TBC1D8: variants seen among roughly 807,000 people sequenced by gnomAD.
TBC1D8 encodes the protein BUB2-like protein 1.
In TBC1D8, 65 loss-of-function variants were observed where a neutral mutation model predicts 118.8. That is an observed-to-expected ratio of 0.55 (90% confidence interval 0.45 to 0.67). The LOEUF (loss-of-function observed/expected upper bound fraction) is 0.67, where lower values mean the gene tolerates loss of function less well. Ranked by LOEUF, TBC1D8 falls within the 30% of genes least tolerant of loss-of-function variation. The pLI, the probability that TBC1D8 is intolerant of heterozygous loss-of-function variation, is 0.00. For missense variants in TBC1D8, 1,376 were observed against 1,471.2 expected, an observed-to-expected ratio of 0.94 and a Z score of 1.06; for synonymous variants, 566 against 595.8, an observed-to-expected ratio of 0.95 and a Z score of 0.73.
At chr2:101,033,841 A>T (rs1449300155) in intron 9 of TBC1D8, 83 bp from the exon 10 acceptor site, 1 of 1,468,000 alleles carries the variant, frequency 6.8e-7, no homozygotes, top group Non-Finnish European at 9.2e-7. Context: ...CCATCAGGGG[A>T]CCCCAGTGGG....
At chr2:101,025,442 G>C (rs1680284859) in intron 15 of TBC1D8, among the ~76,000 whole-genome samples, 1 of 152,166 alleles carries the variant, frequency 6.6e-6, no homozygotes, top group Non-Finnish European at 1.5e-5. Context: ...GGCCAAGCTG[G>C]TCTTGAACTG....
At position 101,011,432 on chromosome 2, in the gene TBC1D8, A is replaced by G. The variant is rs1251907009; in HGVS notation, c.2917+19T>C. 5 of 1,613,404 alleles carry G rather than the reference A, an allele frequency of 3.1e-6. No individual in the cohort carries two copies. The African/African-American group carries it at 6.7e-5, about 22-fold the overall frequency. Reference sequence around the variant, plus strand: ...GCAGTGGTATGCAGGGGAAAGCAACAATGAAAAGAGGTACGTGCCATTGGG... The same window carrying G: ...GCAGTGGTATGCAGGGGAAAGCAACGATGAAAAGAGGTACGTGCCATTGGG... On this transcript the variant is annotated intron_variant, in intron 18 of 19. Coordinates refer to ENST00000409318, the MANE Select transcript of TBC1D8 (RefSeq NM_001330348.2).
chr2:101,149,424 T>C (rs868780700), intron 1 of TBC1D8, among the ~76,000 whole-genome samples: 15 of 152,132 alleles, frequency 9.9e-5, no homozygotes, highest in South Asian at 6.2e-4. Flanking sequence ...AACTAGATGG[T>C]GAATCGGCTG....
At chr2:101,105,497 G>A (rs1408566956) in intron 1 of TBC1D8, among the ~76,000 whole-genome samples, 1 of 151,206 alleles carries the variant, frequency 6.6e-6, no homozygotes, top group East Asian at 1.9e-4. Context: ...GCTGAAGCAG[G>A]AGAATCACTT....
chr2:101,141,430 T>C (rs1186752407), intron 1 of TBC1D8, among the ~76,000 whole-genome samples: 1 of 152,194 alleles, frequency 6.6e-6, no homozygotes, highest in Non-Finnish European at 1.5e-5. Flanking sequence ...TATCACTTTC[T>C]CTTCTCCTAG....
intron 1 of TBC1D8, among the ~76,000 whole-genome samples, chr2:101,146,644 TC>T (rs1180169356): frequency 6.6e-6 from 1 of 152,216 alleles, no homozygotes. Flanking sequence ...GTTTCAATAC[TC>T]ATATATGTTA....
chr2:101,012,282 T>C (rs1679275332), intron 17 of TBC1D8, among the ~76,000 whole-genome samples: 1 of 152,206 alleles, frequency 6.6e-6, no homozygotes, highest in Non-Finnish European at 1.5e-5. Flanking sequence ...TTGTTCATAG[T>C]AGCCAAAAAA....
At chr2:101,116,737 C>T (rs1285331005) in intron 1 of TBC1D8, among the ~76,000 whole-genome samples, 1 of 151,714 alleles carries the variant, frequency 6.6e-6, no homozygotes, top group Non-Finnish European at 1.5e-5. Flanking sequence ...GCCTCCTGGG[C>T]TCAAGCAATT....
At chr2:101,022,210 G>T in intron 16 of TBC1D8, 71 bp downstream of exon 16, 1 of 1,601,348 alleles carries the variant, frequency 6.2e-7, no homozygotes, top group Non-Finnish European at 8.5e-7. Flanking sequence ...CTGCTCCGAA[G>T]ATCCACTTTG....
intron 2 of TBC1D8, among the ~76,000 whole-genome samples, chr2:101,063,761 CA>C (rs569065324): frequency 5.9e-4 from 84 of 141,332 alleles, no homozygotes; most frequent in East Asian, 2.3e-3. Context: ...TACCTTTTTT[CA>C]AAAAAAAAAA....
chr2:101,032,121 T>C (rs1680704810), intron 11 of TBC1D8, 147 bp downstream of exon 11: 5 of 697,480 alleles, frequency 7.2e-6, no homozygotes, highest in Admixed American at 2.6e-5. Flanking sequence ...CGAGTTAGTT[T>C]TGCAAATTCA....
chr2:101,010,497 A>G (rs1448838053), intron 19 of TBC1D8, among the ~76,000 whole-genome samples: 4 of 152,184 alleles, frequency 2.6e-5, no homozygotes. Flanking sequence ...ATCACAATTT[A>G]GTATTTCCAA....
At chr2:101,082,348 C>T (rs1045467750) in intron 2 of TBC1D8, among the ~76,000 whole-genome samples, 1 of 152,228 alleles carries the variant, frequency 6.6e-6, no homozygotes, top group African/African-American at 2.4e-5. Context: ...TCTCCTTGTT[C>T]ATCCAGAGAC....
At position 101,036,201 on chromosome 2, in the gene TBC1D8, A is replaced by G. The variant is rs1680996531; in HGVS notation, c.1453-33T>C. ...TGGGAATATTCTTAATGTACAAAGA[A>G]GTCTGTCCTCACCACCCCCCACCCA... On this transcript the variant is annotated intron_variant, in intron 8 of 19. Coordinates refer to ENST00000409318, the MANE Select transcript of TBC1D8 (RefSeq NM_001330348.2). 6 of 1,602,122 alleles carry G rather than the reference A, an allele frequency of 3.7e-6. No homozygotes were observed. In the African/African-American group the frequency reaches 6.7e-5, roughly 18 times the overall value.
intron 17 of TBC1D8, among the ~76,000 whole-genome samples, chr2:101,021,312 A>G (rs1680015439): frequency 6.6e-6 from 1 of 152,212 alleles, no homozygotes; most frequent in Non-Finnish European, 1.5e-5. Flanking sequence ...GAAACATGAA[A>G]TGGTTCTTCA....
intron 5 of TBC1D8, among the ~76,000 whole-genome samples, chr2:101,044,739 G>A (rs572556744): frequency 1.9e-3 from 290 of 152,120 alleles, no homozygotes; most frequent in Non-Finnish European, 3.1e-3. Flanking sequence ...GGGAGAAAGC[G>A]CCACCAATCA....
rs190402695 is a variant in TBC1D8, at chr2:101,091,437, C to T, written c.128-1073G>A. On this transcript the variant is annotated intron_variant, in intron 1 of 19. Coordinates refer to ENST00000409318, the MANE Select transcript of TBC1D8 (RefSeq NM_001330348.2). ...ACAACAACAAAACAAACAAAAAAGG[C>T]ATCCCAAGCTGGGTGCGGTGGCTCA... is the stretch of plus-strand genomic sequence containing the variant. Among the ~76,000 whole-genome samples, 66 of 151,550 alleles carry T rather than the reference C, an allele frequency of 4.4e-4. 1 individual carries two copies. The highest frequency in any genetic ancestry group is 3.5e-3 in the Admixed American group (54 of 15,238).
intron 11 of TBC1D8, 74 bp downstream of exon 11, chr2:101,032,194 C>A: frequency 7.3e-7 from 1 of 1,368,766 alleles, no homozygotes. Context: ...ATAAACAGGA[C>A]TGATGAGAAA....
rs180949964 is a variant in TBC1D8, at chr2:101,028,741, T to C, written c.2223-309A>G. On this transcript the variant is annotated intron_variant, in intron 12 of 19. Coordinates refer to ENST00000409318, the MANE Select transcript of TBC1D8 (RefSeq NM_001330348.2). Reference sequence around the variant, plus strand: ...AAGAGAACCCCCTCTTTCAATGTCATCTGACTTGCCCTCAGCTCCTAGAAA... The same window carrying C: ...AAGAGAACCCCCTCTTTCAATGTCACCTGACTTGCCCTCAGCTCCTAGAAA... 3.1e-3 allele frequency among the ~76,000 whole-genome samples: 476 copies of C among 152,266 alleles called. 5 individuals carry two copies. Among genetic ancestry groups the C allele is most frequent in the African/African-American group, 0.011 (458 of 41,558 alleles).
Sources: gnomAD v4.1 joint callset for allele counts (sites outside exome capture counted in the v4.1 genomes callset) on GRCh38, gnomAD v4.1.1 for gene constraint, MANE v1.5 for transcripts, NCBI Gene and HGNC (gene_info 2026-07-23, HGNC 2026-07-21) for gene names.